CLIP1: variants seen among roughly 807,000 people sequenced by gnomAD.
CLIP1 encodes CAP-Gly domain containing linker protein 1, also known as CAP-Gly domain-containing linker protein 1.
A neutral mutation model predicts 161.6 loss-of-function variants in CLIP1; 66 were observed. The ratio of observed to expected loss-of-function variants is 0.41; its 90% CI spans 0.33 to 0.50. The LOEUF (loss-of-function observed/expected upper bound fraction) is 0.50, where lower values mean the gene tolerates loss of function less well. Among genes scored for constraint, CLIP1 ranks in the 20% least tolerant of loss-of-function variants. The pLI is 0.27. For synonymous variants in CLIP1, 598 were observed against 626.2 expected (o/e 0.96, Z 0.67); for missense variants, 1,376 against 1,702.0 (o/e 0.81, Z 3.37).
rs1415429539 is a variant in CLIP1 at position 122,319,286 on chromosome 12, C to T, written c.3312G>A (p.Glu1104=). The T allele has an allele frequency of 6.2e-7, 1 of 1,614,158 alleles. No individual in the cohort carries two copies. The highest frequency in any genetic ancestry group is 1.7e-5 in the Admixed American group (1 of 60,022). ...TGGTGTCCTCCAAGGAGGCCAGAGT[C>T]TCAGTCTTCTCTTTGGTCATCTGTT... ...IMEQMTKEKT[E]TLASLEDTKQ... Residue 1104 remains glutamate, a synonymous_variant, in exon 18 of 26, where the codon GAG becomes GAA. Coordinates refer to ENST00000620786, the MANE Select transcript of CLIP1 (RefSeq NM_001247997.2).
rs11324468 is a variant in CLIP1, at chr12:122,398,261, C to CA, written c.-106-17704dup. Among the ~76,000 whole-genome samples, 938 of 103,300 alleles carry CA rather than the reference C, an allele frequency of 9.1e-3. 8 individuals carry two copies. Among genetic ancestry groups the CA allele is most frequent in the Non-Finnish European group, 0.011 (516 of 48,938 alleles). The allele number at this position is 103,300 out of a possible 152,430, so 67.8% of individuals were successfully genotyped here. A position where few individuals can be genotyped will look rare whatever the true frequency, so the allele number is the denominator to read the frequency against. ...TGAAACCCTGTCTCTACTGAAAATA[C>CA]AAAAAAAAAAAAAAAAAATTAGCTG... On this transcript the variant is annotated intron_variant, in intron 1 of 25. Coordinates refer to ENST00000620786, the MANE Select transcript of CLIP1 (RefSeq NM_001247997.2).
At chr12:122,289,408 G>A (rs1791297020) in intron 20 of CLIP1, among the ~76,000 whole-genome samples, 1 of 146,068 alleles carries the variant, frequency 6.8e-6, no homozygotes, top group Non-Finnish European at 1.5e-5. Flanking sequence ...GACAGAGTGA[G>A]ACTCCATCTA....
intron 9 of CLIP1, 151 bp from the exon 10 acceptor site, chr12:122,347,630 G>A: frequency 3.1e-6 from 2 of 635,822 alleles, no homozygotes; most frequent in South Asian, 3.5e-5. Flanking sequence ...AGGTGGAGGT[G>A]AGATGAGGTG....
intron 15 of CLIP1, among the ~76,000 whole-genome samples, chr12:122,330,365 G>C (rs1452130542): frequency 6.6e-6 from 1 of 152,132 alleles, no homozygotes; most frequent in Non-Finnish European, 1.5e-5. Context: ...GAAATTGTGT[G>C]GGGGTGAAAG....
At chr12:122,354,651 G>C in intron 6 of CLIP1, 95 bp from the exon 7 acceptor site, 1 of 936,774 alleles carries the variant, frequency 1.1e-6, no homozygotes, top group South Asian at 1.4e-5. Context: ...ACCATGGTGG[G>C]TGGGCGTTAC....
intron 18 of CLIP1, among the ~76,000 whole-genome samples, chr12:122,318,829 T>C (rs1368966782): frequency 6.6e-6 from 1 of 151,932 alleles, no homozygotes; most frequent in Admixed American, 6.6e-5. Flanking sequence ...CAAAAGGAAA[T>C]CAGTACTGAA....
chr12:122,337,030 G>C (rs904882956), intron 11 of CLIP1, among the ~76,000 whole-genome samples: 3 of 150,692 alleles, frequency 2.0e-5, no homozygotes, highest in South Asian at 4.2e-4. Flanking sequence ...GTGCAGTGGT[G>C]TGATCATGGC....
chr12:122,382,843 A>G (rs1217894368), intron 1 of CLIP1, among the ~76,000 whole-genome samples: 1 of 152,152 alleles, frequency 6.6e-6, no homozygotes, highest in African/African-American at 2.4e-5. Context: ...CCTCACCGCC[A>G]TTACCACCAT....
chr12:122,279,216 C>T lies in CLIP1; in HGVS notation c.3648-71G>A. The T allele has an allele frequency of 8.5e-6, 8 of 939,928 alleles. No homozygotes were observed. In the South Asian group the frequency reaches 1.4e-4, roughly 17 times the overall value. 58.2% of individuals were successfully genotyped at this position (939,928 alleles called of 1,614,324 possible). On this transcript the variant is annotated intron_variant, in intron 21 of 25. Transcript: ENST00000620786. The surrounding 1 kb of genome is among the most constrained non-coding windows in gnomAD (Gnocchi z 4.5). ...TGGTCAGTGTACAACTGTTCTAGAA[C>T]AAACACATAATTAATGTTAGTTAAT... is the stretch of plus-strand genomic sequence containing the variant.
At chr12:122,294,059 AC>A (rs2136344024) in intron 20 of CLIP1, among the ~76,000 whole-genome samples, 1 of 150,998 alleles carries the variant, frequency 6.6e-6, no homozygotes, top group African/African-American at 2.4e-5. Context: ...TACTCAAAAT[AC>A]CCCCAAACCT....
chr12:122,416,679 TCAC>T (rs1317052599), intron 1 of CLIP1, among the ~76,000 whole-genome samples: 1 of 151,938 alleles, frequency 6.6e-6, no homozygotes, highest in Admixed American at 6.6e-5. Flanking sequence ...AGTGGGTAGA[TCAC>T]CTGAGGTCAG....
Position 122,389,614 on chromosome 12 carries a change from C to G in CLIP1, c.-106-9056G>C, listed in dbSNP as rs370068843. 3.3e-5 allele frequency among the ~76,000 whole-genome samples: 5 copies of G among 151,794 alleles called. No individual in the cohort carries two copies. In the East Asian group the frequency reaches 5.8e-4, roughly 18 times the overall value. On this transcript the variant is annotated intron_variant, in intron 1 of 25. Coordinates refer to ENST00000620786, the MANE Select transcript of CLIP1 (RefSeq NM_001247997.2). ...TCTCTACTAAACATACAAAAATTAGCCGGGCGTGGTGGTGCATGCCTGTAG... is the reference window on the plus strand; with the variant it reads ...TCTCTACTAAACATACAAAAATTAGGCGGGCGTGGTGGTGCATGCCTGTAG...
At chr12:122,398,940 T>TC (rs201305402) in intron 1 of CLIP1, among the ~76,000 whole-genome samples, 462 of 41,612 alleles carry the variant, frequency 0.011, 5 homozygotes, top group African/African-American at 0.029. Flanking sequence ...TGACCAGATA[T>TC]CCAAAAAAAA....
rs1566198620 is a variant in CLIP1 at position 122,379,943 on chromosome 12, T to TAAAAAAAAAA, written c.85+424_85+425insTTTTTTTTTT. Among the ~76,000 whole-genome samples the TAAAAAAAAAA allele has an allele frequency of 1.8e-4, 13 of 70,386 alleles. 1 individual carries two copies. In the East Asian group the frequency reaches 3.3e-3, roughly 18 times the overall value. The allele number at this position is 70,386 out of a possible 152,430, so 46.2% of individuals were successfully genotyped here. A position where few individuals can be genotyped will look rare whatever the true frequency, so the allele number is the denominator to read the frequency against. ...TGGGGAATAGAGCAAGACTCCATCT[T>TAAAAAAAAAA]TAAAAAAAAAAAAAAAAAATGCAAG... On this transcript the variant is annotated intron_variant, in intron 2 of 25. Transcript: ENST00000620786.
At position 122,331,299 on chromosome 12, in the gene CLIP1, G is replaced by A. The variant is rs561009765; in HGVS notation, c.2867+1688C>T. Among the ~76,000 whole-genome samples, 30 of 151,858 alleles carry A rather than the reference G, an allele frequency of 2.0e-4. No homozygotes were observed. In the South Asian group the frequency reaches 4.6e-3, roughly 23 times the overall value. ...AAGTGCAGGGAGATTACAGACATGA[G>A]CTACATACAGTGCCTGGCCTTATTC... On this transcript the variant is annotated intron_variant, in intron 15 of 25. Transcript: ENST00000620786.
At chr12:122,406,688 G>T (rs929876022) in intron 1 of CLIP1, among the ~76,000 whole-genome samples, 6 of 152,124 alleles carry the variant, frequency 3.9e-5, no homozygotes, top group Non-Finnish European at 7.4e-5. Flanking sequence ...AGGTGTGTAT[G>T]ACATAGTACA....
At chr12:122,289,095 C>T (rs1955987204) in intron 20 of CLIP1, among the ~76,000 whole-genome samples, 1 of 150,622 alleles carries the variant, frequency 6.6e-6, no homozygotes, top group African/African-American at 2.4e-5. Context: ...GGATTACAGG[C>T]GTGAGCCACC....
intron 3 of CLIP1, among the ~76,000 whole-genome samples, chr12:122,373,795 C>T (rs1208202262): frequency 6.6e-6 from 1 of 152,120 alleles, no homozygotes; most frequent in Non-Finnish European, 1.5e-5. Context: ...TGCCCCAAAT[C>T]TACAGTCTAC....
chr12:122,287,405 A>G (rs1955902902), intron 21 of CLIP1, among the ~76,000 whole-genome samples: 1 of 152,166 alleles, frequency 6.6e-6, no homozygotes, highest in South Asian at 2.1e-4. Flanking sequence ...ACTTCACAAG[A>G]GCATGGAGAA....
Sources: gnomAD v4.1 joint callset for allele counts (sites outside exome capture counted in the v4.1 genomes callset) on GRCh38, gnomAD v4.1.1 for gene constraint, Gnocchi (gnomAD v3.1) non-coding constraint, MANE v1.5 for transcripts, NCBI Gene and HGNC (gene_info 2026-07-23, HGNC 2026-07-21) for gene names.